Variants in STXBP3 observed in about 807,000 individuals in gnomAD.
STXBP3 encodes the protein syntaxin-binding protein 3.
In STXBP3, 41 loss-of-function variants were observed where a neutral mutation model predicts 85.7. The ratio of observed to expected loss-of-function variants is 0.48; its 90% CI spans 0.37 to 0.62. The LOEUF (loss-of-function observed/expected upper bound fraction) is 0.62. Ranked by LOEUF, STXBP3 falls within the 20% of genes least tolerant of loss-of-function variation. The pLI is 0.00. For synonymous variants in STXBP3, 229 were observed against 231.7 expected (o/e 0.99, Z 0.10); for missense variants, 563 against 703.1 (o/e 0.80, Z 2.25).
intron 11 of STXBP3, among the ~76,000 whole-genome samples, chr1:108,790,493 G>A (rs551610220): frequency 2.8e-4 from 43 of 151,992 alleles, no homozygotes; most frequent in African/African-American, 1.0e-3. Context: ...AAAAGAGCTT[G>A]TAGTTGAATT....
intron 6 of STXBP3, among the ~76,000 whole-genome samples, chr1:108,762,133 T>C (rs1348242177): frequency 6.6e-6 from 1 of 152,234 alleles, no homozygotes; most frequent in Non-Finnish European, 1.5e-5. Context: ...ATCAAGATTA[T>C]GTTCAGTGGA....
intron 11 of STXBP3, among the ~76,000 whole-genome samples, chr1:108,785,563 T>C (rs1334183813): frequency 2.0e-5 from 3 of 151,910 alleles, no homozygotes; most frequent in African/African-American, 4.8e-5. Flanking sequence ...GGAGACATTT[T>C]CCCCGTTGTT....
At chr1:108,776,158 T>C (rs925382101) in intron 7 of STXBP3, among the ~76,000 whole-genome samples, 175 bp from the exon 8 acceptor site, 1 of 152,166 alleles carries the variant, frequency 6.6e-6, no homozygotes, top group Non-Finnish European at 1.5e-5. Flanking sequence ...AAATTCCAAA[T>C]ATATCGATAT....
chr1:108,793,104 T>C (rs75531562), intron 11 of STXBP3, among the ~76,000 whole-genome samples: 1,690 of 80,878 alleles, frequency 0.021, 40 homozygotes, highest in African/African-American at 0.068. Flanking sequence ...GCTCCTTTCT[T>C]TTTAGCACTC....
intron 11 of STXBP3, among the ~76,000 whole-genome samples, chr1:108,783,512 A>G (rs1389976061): frequency 1.3e-5 from 2 of 152,130 alleles, no homozygotes; most frequent in Non-Finnish European, 2.9e-5. Flanking sequence ...TCATTTGTGT[A>G]TAGTAGTAAT....
intron 6 of STXBP3, among the ~76,000 whole-genome samples, chr1:108,770,726 A>C (rs900778987): frequency 6.6e-6 from 1 of 152,020 alleles, no homozygotes; most frequent in African/African-American, 2.4e-5. Flanking sequence ...TTAGAAAACA[A>C]CAAAATTTAG....
At chr1:108,749,727 A>G (rs1369989049) in intron 1 of STXBP3, among the ~76,000 whole-genome samples, 1 of 152,184 alleles carries the variant, frequency 6.6e-6, no homozygotes, top group African/African-American at 2.4e-5. Context: ...TTTAGACAAT[A>G]ACACTGACTC....
chr1:108,782,959 G>A (rs567566133), intron 11 of STXBP3, among the ~76,000 whole-genome samples: 1 of 152,290 alleles, frequency 6.6e-6, no homozygotes, highest in East Asian at 1.9e-4. Flanking sequence ...CTGGAGTGCA[G>A]TTGCGCCATC....
chr1:108,763,796 G>A (rs1371980364), intron 6 of STXBP3, among the ~76,000 whole-genome samples: 3 of 151,864 alleles, frequency 2.0e-5, no homozygotes, highest in African/African-American at 7.3e-5. Context: ...TGTTCAGGGT[G>A]GTCTTGAACT....
intron 1 of STXBP3, among the ~76,000 whole-genome samples, chr1:108,751,333 T>A (rs1661901886): frequency 6.6e-6 from 1 of 152,134 alleles, no homozygotes; most frequent in African/African-American, 2.4e-5. Flanking sequence ...AAACCAAATA[T>A]TTTTTATTGT....
At chr1:108,776,194 C>A in intron 7 of STXBP3, 139 bp from the exon 8 acceptor site, 2 of 485,302 alleles carry the variant, frequency 4.1e-6, no homozygotes, top group African/African-American at 1.9e-5. Flanking sequence ...ATTATCTGAA[C>A]TTTTACATGT....
chr1:108,787,548 AT>A (rs149799815), intron 11 of STXBP3, among the ~76,000 whole-genome samples: 60 of 147,318 alleles, frequency 4.1e-4, no homozygotes, highest in Admixed American at 1.0e-3. Flanking sequence ...TACGTTTAAA[AT>A]TTTTTTTTTT....
At chr1:108,796,791 TG>T (rs1041973631) in intron 15 of STXBP3, 65 bp downstream of exon 15, 8 of 1,221,118 alleles carry the variant, frequency 6.6e-6, no homozygotes, top group South Asian at 3.6e-5. Flanking sequence ...ATGTATTAAC[TG>T]TTTTTTTTTT....
At chr1:108,804,648 T>A (rs1355968482) in intron 17 of STXBP3, among the ~76,000 whole-genome samples, 1 of 152,216 alleles carries the variant, frequency 6.6e-6, no homozygotes, top group African/African-American at 2.4e-5. Flanking sequence ...TTTGCCAGAT[T>A]AGAGGTTTTT....
intron 11 of STXBP3, among the ~76,000 whole-genome samples, chr1:108,787,561 A>G (rs1052607409): frequency 6.6e-5 from 10 of 151,830 alleles, no homozygotes; most frequent in African/African-American, 2.4e-4. Flanking sequence ...TTTTTTTTTT[A>G]GTAGTTAATA....
At chr1:108,780,366 G>A (rs1221051596) in intron 9 of STXBP3, 1 of 151,836 alleles carries the variant, frequency 6.6e-6, no homozygotes, top group Admixed American at 6.6e-5. Context: ...TTATTCAGAG[G>A]GGATATTATT....
intron 6 of STXBP3, among the ~76,000 whole-genome samples, chr1:108,768,690 G>A (rs1369457761): frequency 6.6e-6 from 1 of 152,124 alleles, no homozygotes; most frequent in African/African-American, 2.4e-5. Context: ...GGAACTGGTC[G>A]TAAAGTCCTT....
chr1:108,793,893 CAG>C (rs3830380), intron 12 of STXBP3, among the ~76,000 whole-genome samples: 44,549 of 151,700 alleles, frequency 0.29, 7,452 homozygotes, highest in East Asian at 0.77. Context: ...AATAGCCTAA[CAG>C]AGTCACATTT....
At chr1:108,797,162 C>CT (rs1330907506) in intron 15 of STXBP3, among the ~76,000 whole-genome samples, 3 of 151,824 alleles carry the variant, frequency 2.0e-5, no homozygotes, top group African/African-American at 7.3e-5. Context: ...CGAGACCAGC[C>CT]TGGGCATCAT....
Sources: gnomAD v4.1 joint callset for allele counts (sites outside exome capture counted in the v4.1 genomes callset) on GRCh38, gnomAD v4.1.1 for gene constraint, MANE v1.5 for transcripts, NCBI Gene and HGNC (gene_info 2026-07-23, HGNC 2026-07-21) for gene names.